The following NELL1 variants were observed in gnomAD, a reference collection of about 807,000 sequenced individuals.
NELL1 encodes the protein protein kinase C-binding protein NELL1.
In NELL1, 76 loss-of-function variants were observed where a neutral mutation model predicts 107.4. That is an observed-to-expected ratio of 0.71 (90% confidence interval 0.59 to 0.86). The LOEUF is 0.86. Ranked by LOEUF, NELL1 falls within the 40% of genes least tolerant of loss-of-function variation. NELL1 has a pLI of 0.00. For synonymous variants in NELL1, 353 were observed against 341.2 expected (o/e 1.03, Z -0.38); for missense variants, 1,024 against 1,005.5 (o/e 1.02, Z -0.25).
rs151155361 is a variant in NELL1 at position 21,110,517 on chromosome 11, G to T, written c.1301-3072G>T. On this transcript the variant is annotated intron_variant, in intron 12 of 19. Coordinates refer to ENST00000357134, the MANE Select transcript of NELL1 (RefSeq NM_006157.5). The stretch of plus-strand genomic sequence containing the variant: ...AGTAACTCCTTCAAATCTAGATGAG[G>T]CAGAGGCCTCTCAGCAGCTTGGTGA... Among the ~76,000 whole-genome samples the T allele has an allele frequency of 1.7e-3, 262 of 152,204 alleles. 1 individual carries two copies. The highest frequency in any genetic ancestry group is 6.0e-3 in the African/African-American group (251 of 41,546).
At chr11:20,885,724 G>T (rs1441780376) in intron 5 of NELL1, among the ~76,000 whole-genome samples, 184 bp downstream of exon 5, 1 of 152,160 alleles carries the variant, frequency 6.6e-6, no homozygotes, top group Non-Finnish European at 1.5e-5. Context: ...GAATAAACTG[G>T]TTTACTTGTC....
chr11:21,548,465 C>A (rs538960660), intron 16 of NELL1, among the ~76,000 whole-genome samples: 29 of 151,852 alleles, frequency 1.9e-4, no homozygotes, highest in African/African-American at 6.5e-4. Flanking sequence ...AGGCAGAAGG[C>A]ACATCTTACT....
intron 14 of NELL1, among the ~76,000 whole-genome samples, chr11:21,237,977 T>C (rs1306215933): frequency 6.6e-6 from 1 of 152,084 alleles, no homozygotes; most frequent in African/African-American, 2.4e-5. Flanking sequence ...CCCAACCTCT[T>C]CCCTGATTTC....
intron 14 of NELL1, among the ~76,000 whole-genome samples, chr11:21,319,247 C>T (rs1849949976): frequency 6.6e-6 from 1 of 151,684 alleles, no homozygotes. Context: ...ATGATCTCGG[C>T]TCACTGCAAC....
intron 13 of NELL1, among the ~76,000 whole-genome samples, chr11:21,187,767 A>G (rs1334534778): frequency 6.6e-6 from 1 of 151,742 alleles, no homozygotes; most frequent in African/African-American, 2.4e-5. Context: ...AATCTACCCA[A>G]TTTTCAGATT....
At chr11:21,096,630 C>A (rs1379233412) in intron 12 of NELL1, among the ~76,000 whole-genome samples, 1 of 152,198 alleles carries the variant, frequency 6.6e-6, no homozygotes, top group African/African-American at 2.4e-5. Context: ...CTATCATAAA[C>A]TGTACCATCA....
At position 21,372,107 on chromosome 11, in the gene NELL1, CTG is replaced by C. The variant is rs377068242; in HGVS notation, c.1645+1161_1645+1162del. 3.5e-4 allele frequency among the ~76,000 whole-genome samples: 53 copies of C among 152,020 alleles called. No homozygotes were observed. In the East Asian group the frequency reaches 0.01, roughly 29 times the overall value. ...CAAATAAAAATATAACAAATAATAA[CTG>C]TTTTTTCTTAAAAAAAACATATGAA... is the stretch of plus-strand genomic sequence containing the variant. On this transcript the variant is annotated intron_variant, in intron 15 of 19. Coordinates refer to ENST00000357134, the MANE Select transcript of NELL1 (RefSeq NM_006157.5).
At chr11:21,198,243 C>T (rs766217824) in intron 13 of NELL1, among the ~76,000 whole-genome samples, 4 of 152,150 alleles carry the variant, frequency 2.6e-5, no homozygotes, top group Non-Finnish European at 4.4e-5. Context: ...AGCAGTGGCC[C>T]GAGCTGAAGC....
chr11:20,851,846 G>T (rs1848800730), intron 4 of NELL1, among the ~76,000 whole-genome samples: 1 of 152,112 alleles, frequency 6.6e-6, no homozygotes, highest in Non-Finnish European at 1.5e-5. Flanking sequence ...ACAGTGATTG[G>T]GCCTAGTCCC....
intron 12 of NELL1, among the ~76,000 whole-genome samples, chr11:21,012,085 A>G (rs1191488088): frequency 1.3e-5 from 2 of 152,070 alleles, no homozygotes; most frequent in Non-Finnish European, 2.9e-5. Context: ...CCATATTAAG[A>G]GTCCAACCCA....
intron 2 of NELL1, among the ~76,000 whole-genome samples, chr11:20,719,036 T>C (rs1855317043): frequency 6.6e-6 from 1 of 152,212 alleles, no homozygotes; most frequent in Non-Finnish European, 1.5e-5. Context: ...CGAAAGCATC[T>C]TCTAGAAGTG....
intron 15 of NELL1, among the ~76,000 whole-genome samples, chr11:21,409,049 A>C (rs1852303286): frequency 6.6e-6 from 1 of 152,064 alleles, no homozygotes; most frequent in Admixed American, 6.5e-5. Flanking sequence ...TAGAACTAGA[A>C]ATACCATTTG....
rs114661303 is a variant in NELL1, at chr11:21,051,094, T to C, written c.1301-62495T>C. The stretch of plus-strand genomic sequence containing the variant: ...AAAAGATACTTGACATACATGTTCA[T>C]AGCAACCCAATTCACAATTACAAAA... On this transcript the variant is annotated intron_variant, in intron 12 of 19. Coordinates refer to ENST00000357134, the MANE Select transcript of NELL1 (RefSeq NM_006157.5). 3.3e-3 allele frequency among the ~76,000 whole-genome samples: 496 copies of C among 152,254 alleles called. 1 individual carries two copies. Among genetic ancestry groups the C allele is most frequent in the African/African-American group, 0.012 (480 of 41,556 alleles).
intron 13 of NELL1, among the ~76,000 whole-genome samples, chr11:21,157,933 G>A (rs947041566): frequency 6.6e-6 from 1 of 152,144 alleles, no homozygotes; most frequent in Non-Finnish European, 1.5e-5. Flanking sequence ...GTTCCTGAGT[G>A]TGTCTGTGAG....
At chr11:21,396,718 T>C (rs1564874523) in intron 15 of NELL1, among the ~76,000 whole-genome samples, 1 of 151,642 alleles carries the variant, frequency 6.6e-6, no homozygotes, top group African/African-American at 2.4e-5. Context: ...CTTCTGTTTC[T>C]GAGGATTGGA....
At chr11:20,845,809 G>A (rs904694770) in intron 3 of NELL1, among the ~76,000 whole-genome samples, 40 of 152,164 alleles carry the variant, frequency 2.6e-4, no homozygotes, top group African/African-American at 8.9e-4. Context: ...CGTGGGGAGG[G>A]ACATATTTTA....
chr11:20,764,300 T>C (rs1224337994), intron 2 of NELL1, among the ~76,000 whole-genome samples: 27 of 152,248 alleles, frequency 1.8e-4, no homozygotes, highest in Non-Finnish European at 1.5e-5. Flanking sequence ...GTTACAATTA[T>C]GGTGTCTCTT....
intron 15 of NELL1, among the ~76,000 whole-genome samples, chr11:21,466,168 T>C (rs1854024350): frequency 6.6e-6 from 1 of 152,120 alleles, no homozygotes; most frequent in Non-Finnish European, 1.5e-5. Context: ...CTATTAGCAA[T>C]AGCCGACTTA....
intron 7 of NELL1, among the ~76,000 whole-genome samples, chr11:20,926,518 G>T (rs994194407): frequency 6.6e-6 from 1 of 152,164 alleles, no homozygotes; most frequent in East Asian, 1.9e-4. Flanking sequence ...GAGAAAAGTG[G>T]CTTTCCTTGG....
Sources: allele counts gnomAD v4.1 joint callset (sites outside exome capture counted in the v4.1 genomes callset), GRCh38; gene constraint gnomAD v4.1.1; transcripts MANE v1.5; gene names NCBI Gene and HGNC (gene_info 2026-07-23, HGNC 2026-07-21).